The following WWOX variants were observed in gnomAD, a reference collection of about 807,000 sequenced individuals.
The protein encoded by WWOX is WW domain-containing oxidoreductase.
WWOX carries 69 observed loss-of-function variants against 46.2 expected under a neutral mutation model. The ratio of observed to expected loss-of-function variants is 1.49; its 90% CI spans 1.23 to 1.82. The LOEUF (loss-of-function observed/expected upper bound fraction) is 1.82. WWOX is among the 40% of genes most tolerant of loss of function. The pLI, the probability that WWOX is intolerant of heterozygous loss-of-function variation, is 0.00. For synonymous variants in WWOX, 359 were observed against 202.6 expected (o/e 1.77, Z -6.56); for missense variants, 919 against 542.6 (o/e 1.69, Z -6.89).
chr16:78,952,381 T>TG (rs1303382849), intron 8 of WWOX, among the ~76,000 whole-genome samples: 1 of 141,362 alleles, frequency 7.1e-6, no homozygotes, highest in South Asian at 2.3e-4. Context: ...TTTTGTTTTT[T>TG]GAGTTTTTTT....
intron 8 of WWOX, among the ~76,000 whole-genome samples, chr16:79,197,474 C>A (rs1412648452): frequency 6.6e-6 from 1 of 152,048 alleles, no homozygotes; most frequent in Admixed American, 6.6e-5. Flanking sequence ...CACTGCCCCC[C>A]TCCAGTGAGC....
chr16:78,864,877 T>C (rs1170236747), intron 8 of WWOX, among the ~76,000 whole-genome samples: 1 of 147,294 alleles, frequency 6.8e-6, no homozygotes, highest in Non-Finnish European at 1.5e-5. Context: ...ATTCTCCTGC[T>C]TCAGCCCCCC....
At chr16:78,638,802 A>T (rs2046636286) in intron 8 of WWOX, among the ~76,000 whole-genome samples, 1 of 152,202 alleles carries the variant, frequency 6.6e-6, no homozygotes, top group African/African-American at 2.4e-5. Flanking sequence ...CAGTAAAATC[A>T]GAAATAATTA....
At chr16:78,996,647 G>C (rs2046995849) in intron 8 of WWOX, among the ~76,000 whole-genome samples, 1 of 152,100 alleles carries the variant, frequency 6.6e-6, no homozygotes, top group African/African-American at 2.4e-5. Context: ...GGAGACTCTA[G>C]TGTGCTCTAC....
chr16:78,827,101 CT>C (rs2051678845), intron 8 of WWOX, among the ~76,000 whole-genome samples: 2 of 152,124 alleles, frequency 1.3e-5, no homozygotes, highest in Admixed American at 1.3e-4. Context: ...ACCTGCTCTC[CT>C]CTCCAGAACT....
At chr16:78,806,637 G>C (rs1054592595) in intron 8 of WWOX, among the ~76,000 whole-genome samples, 1 of 152,098 alleles carries the variant, frequency 6.6e-6, no homozygotes, top group African/African-American at 2.4e-5. Context: ...TGGGTTCCAA[G>C]GGTGAGCGTC....
At chr16:78,322,452 T>C (rs1161122224) in intron 5 of WWOX, among the ~76,000 whole-genome samples, 1 of 152,234 alleles carries the variant, frequency 6.6e-6, no homozygotes, top group African/African-American at 2.4e-5. Context: ...GTTTTCACGC[T>C]TGTGCCTTTT....
At chr16:78,840,614 A>C (rs1004147556) in intron 8 of WWOX, among the ~76,000 whole-genome samples, 5 of 151,862 alleles carry the variant, frequency 3.3e-5, no homozygotes, top group African/African-American at 1.2e-4. Flanking sequence ...AGTTGCTCCA[A>C]ATGTGATGTC....
At chr16:78,778,376 G>C (rs1024219891) in intron 8 of WWOX, among the ~76,000 whole-genome samples, 5 of 152,200 alleles carry the variant, frequency 3.3e-5, no homozygotes, top group Non-Finnish European at 7.3e-5. Context: ...GGAACGAGGT[G>C]ACAGCAAGAC....
intron 5 of WWOX, among the ~76,000 whole-genome samples, chr16:78,367,612 G>T (rs770211104): frequency 6.6e-6 from 1 of 152,116 alleles, no homozygotes; most frequent in South Asian, 2.1e-4. Context: ...TACGGATGTG[G>T]CCCCTTTGTA....
At chr16:79,045,625 C>T (rs1380410405) in intron 8 of WWOX, among the ~76,000 whole-genome samples, 1 of 152,076 alleles carries the variant, frequency 6.6e-6, no homozygotes, top group Admixed American at 6.6e-5. Flanking sequence ...AAAGGACCAG[C>T]TTGGAGGCAG....
chr16:78,289,085 T>C (rs991626792), intron 5 of WWOX, among the ~76,000 whole-genome samples: 3 of 151,534 alleles, frequency 2.0e-5, no homozygotes, highest in East Asian at 3.9e-4. Flanking sequence ...TGAAATGGAG[T>C]GGAAGGCAGC....
chr16:78,109,344 T>C (rs1419807020), intron 2 of WWOX, among the ~76,000 whole-genome samples: 1 of 152,000 alleles, frequency 6.6e-6, no homozygotes, highest in Non-Finnish European at 1.5e-5. Context: ...AGAAGGTTCC[T>C]GCCCTTAAGA....
chr16:78,329,756 T>C (rs967970801), intron 5 of WWOX, among the ~76,000 whole-genome samples: 3 of 151,816 alleles, frequency 2.0e-5, no homozygotes, highest in African/African-American at 7.3e-5. Flanking sequence ...CTTTCTTTTT[T>C]TTTTTTTTGA....
At chr16:79,199,835 T>G (rs1366630970) in intron 8 of WWOX, among the ~76,000 whole-genome samples, 1 of 152,188 alleles carries the variant, frequency 6.6e-6, no homozygotes, top group Non-Finnish European at 1.5e-5. Context: ...TGCATTTGTG[T>G]GCCTTCCCTT....
At chr16:79,092,773 G>T (rs4888925) in intron 8 of WWOX, among the ~76,000 whole-genome samples, 2 of 151,880 alleles carry the variant, frequency 1.3e-5, no homozygotes, top group Non-Finnish European at 2.9e-5. Context: ...TGTAAACGTT[G>T]TTGAAAACAT....
At chr16:78,669,238 C>T (rs1205661161) in intron 8 of WWOX, among the ~76,000 whole-genome samples, 1 of 152,208 alleles carries the variant, frequency 6.6e-6, no homozygotes, top group African/African-American at 2.4e-5. Context: ...CTGGATATGG[C>T]CCTTCCCTCA....
intron 8 of WWOX, among the ~76,000 whole-genome samples, chr16:79,129,151 G>C (rs1162384650): frequency 6.6e-6 from 1 of 151,936 alleles, no homozygotes; most frequent in Non-Finnish European, 1.5e-5. Context: ...TATCTCAGTA[G>C]GCACTGTTCA....
At chr16:78,177,764 G>C (rs1418614903) in intron 5 of WWOX, among the ~76,000 whole-genome samples, 1 of 152,206 alleles carries the variant, frequency 6.6e-6, no homozygotes, top group Non-Finnish European at 1.5e-5. Context: ...GAGATAGACA[G>C]ACATTTGGGC....
Sources: gnomAD v4.1 joint callset for allele counts (sites outside exome capture counted in the v4.1 genomes callset) on GRCh38, gnomAD v4.1.1 for gene constraint, MANE v1.5 for transcripts, NCBI Gene and HGNC (gene_info 2026-07-23, HGNC 2026-07-21) for gene names.